The following BICD1 variants were observed in gnomAD, a reference collection of about 807,000 sequenced individuals.
BICD1 encodes the protein BICD cargo adaptor 1.
Under a neutral mutation model 92.5 loss-of-function variants are expected in BICD1, and 35 were observed. The observed-to-expected ratio is 0.38, with a 90% CI of 0.29 to 0.50. The LOEUF is 0.50. Among genes scored for constraint, BICD1 ranks in the 20% least tolerant of loss-of-function variants. The probability of loss-of-function intolerance (pLI) is 0.93; values close to 1 mark genes in which losing one functional copy is unlikely to be tolerated. For synonymous variants in BICD1, 429 were observed against 465.1 expected, an observed-to-expected ratio of 0.92 and a Z score of 1.00; for missense variants, 950 against 1,189.8, an observed-to-expected ratio of 0.80 and a Z score of 2.97.
intron 1 of BICD1, among the ~76,000 whole-genome samples, chr12:32,156,943 AACACAC>A (rs1943456036): frequency 6.6e-6 from 1 of 152,338 alleles, no homozygotes; most frequent in Non-Finnish European, 1.5e-5. Context: ...ATATATGTAT[AACACAC>A]ATACATTTTA....
intron 1 of BICD1, among the ~76,000 whole-genome samples, chr12:32,142,415 AAAAAAAAAAAAAAAAAC>A (rs1286234513): frequency 9.2e-5 from 5 of 54,254 alleles, no homozygotes; most frequent in South Asian, 5.3e-4. Flanking sequence ...TAAAAAAAAA[AAAAAAAAAAAAAAAAAC>A]AAAAAACCCC....
In BICD1 at chr12:32,302,107, T is replaced by C. The variant is rs569879041; in HGVS notation, c.580-3590T>C. Among the ~76,000 whole-genome samples the C allele has an allele frequency of 1.9e-3, 286 of 152,192 alleles. 1 individual carries two copies. The highest frequency in any genetic ancestry group is 5.7e-3 in the African/African-American group (237 of 41,518). ...TTCACTGTGTTAGCTAGGATGGTCT[T>C]GATCTCCTGACCTCGTGATCCGCCC... On this transcript the variant is annotated intron_variant, in intron 3 of 9. Coordinates refer to ENST00000652176, the MANE Select transcript of BICD1 (RefSeq NM_001714.4).
chr12:32,116,484 CTCTCTCTTTCTCTCTCTCTCTCTCTCTA>C (rs377149368), intron 1 of BICD1, among the ~76,000 whole-genome samples: 2,070 of 114,266 alleles, frequency 0.018, 52 homozygotes, highest in African/African-American at 0.059. Flanking sequence ...CTCTCTCTCT[CTCTCTCTTTCTCTCTCTCTCTCTCTCTA>C]TATATATATA....
intron 2 of BICD1, among the ~76,000 whole-genome samples, chr12:32,278,228 A>C (rs1947326457): frequency 6.6e-6 from 1 of 152,210 alleles, no homozygotes; most frequent in South Asian, 2.1e-4. Context: ...CCATATAATG[A>C]ATTCTTTTAT....
intron 1 of BICD1, among the ~76,000 whole-genome samples, chr12:32,188,606 G>A (rs553403411): frequency 1.3e-5 from 2 of 152,342 alleles, no homozygotes; most frequent in South Asian, 4.1e-4. Flanking sequence ...CAGAGTATGT[G>A]CACATTTAAA....
chr12:32,226,042 C>T (rs1945678321), intron 2 of BICD1, among the ~76,000 whole-genome samples: 1 of 152,158 alleles, frequency 6.6e-6, no homozygotes, highest in African/African-American at 2.4e-5. Context: ...TGCTTGTTTG[C>T]CTTCCATATA....
intron 2 of BICD1, among the ~76,000 whole-genome samples, chr12:32,269,666 C>G (rs10844162): frequency 0.079 from 12,073 of 152,266 alleles, 755 homozygotes; most frequent in East Asian, 0.3. Context: ...AACTTGCTTT[C>G]TGATGCCATT....
At chr12:32,331,664 T>C (rs897929077) in intron 5 of BICD1, among the ~76,000 whole-genome samples, 1 of 152,166 alleles carries the variant, frequency 6.6e-6, no homozygotes, top group African/African-American at 2.4e-5. Flanking sequence ...ACTCATGACA[T>C]GAGGTCAGGT....
chr12:32,371,438 A>C (rs1939736460), intron 9 of BICD1, among the ~76,000 whole-genome samples: 1 of 152,210 alleles, frequency 6.6e-6, no homozygotes, highest in Admixed American at 6.5e-5. Flanking sequence ...CACATAGCCA[A>C]CATTCGAATT....
chr12:32,120,261 A>G (rs1351932831), intron 1 of BICD1, among the ~76,000 whole-genome samples: 2 of 152,132 alleles, frequency 1.3e-5, no homozygotes, highest in Admixed American at 6.6e-5. Context: ...CTGTTTTCCA[A>G]CATTTTAAGG....
At chr12:32,217,866 G>T (rs1158079964) in intron 2 of BICD1, among the ~76,000 whole-genome samples, 1 of 152,228 alleles carries the variant, frequency 6.6e-6, no homozygotes, top group Non-Finnish European at 1.5e-5. Flanking sequence ...CCAAACATTT[G>T]CAGGGAGCAA....
At chr12:32,296,408 T>G (rs1246835522) in intron 3 of BICD1, among the ~76,000 whole-genome samples, 1 of 151,666 alleles carries the variant, frequency 6.6e-6, no homozygotes, top group Non-Finnish European at 1.5e-5. Flanking sequence ...CATGCATGTA[T>G]CACCACGCCT....
intron 8 of BICD1, among the ~76,000 whole-genome samples, chr12:32,356,301 A>G (rs1342319243): frequency 6.6e-6 from 1 of 152,106 alleles, no homozygotes; most frequent in Non-Finnish European, 1.5e-5. Flanking sequence ...TTTCTGATGG[A>G]CTCTAAATTT....
intron 2 of BICD1, among the ~76,000 whole-genome samples, chr12:32,231,567 ATTTATTTATTTATTTAT>A (rs1945888104): frequency 2.6e-5 from 1 of 38,204 alleles, no homozygotes; most frequent in Admixed American, 2.5e-4. Flanking sequence ...TGCTTTATTT[ATTTATTTATTTATTTAT>A]TTATTTATTT....
At position 32,185,765 on chromosome 12, in the gene BICD1, C is replaced by T. The variant is rs1944409219; in HGVS notation, c.214-30482C>T. Among the ~76,000 whole-genome samples the T allele has an allele frequency of 2.0e-5, 3 of 152,302 alleles. No homozygotes were observed. In the South Asian group the frequency reaches 6.2e-4, roughly 32 times the overall value. Reference sequence around the variant, plus strand: ...GTGAATCCACCACAGTTAACAAAATCTTGAGACTTGCCATAAACAAATTCT... The same window carrying T: ...GTGAATCCACCACAGTTAACAAAATTTTGAGACTTGCCATAAACAAATTCT... On this transcript the variant is annotated intron_variant, in intron 1 of 9. Transcript: ENST00000652176.
intron 2 of BICD1, among the ~76,000 whole-genome samples, chr12:32,251,385 G>A (rs1339299947): frequency 2.6e-5 from 4 of 152,106 alleles, no homozygotes; most frequent in Admixed American, 6.6e-5. Flanking sequence ...AAAGCAACAC[G>A]AATCCATCTC....
At chr12:32,352,439 T>C (rs1329746666) in intron 8 of BICD1, 2 of 151,094 alleles carry the variant, frequency 1.3e-5, no homozygotes, top group East Asian at 1.9e-4. Context: ...TGAGATGAGA[T>C]TGCGCCACTG....
intron 1 of BICD1, among the ~76,000 whole-genome samples, chr12:32,205,490 A>C (rs747783751): frequency 9.9e-5 from 15 of 152,000 alleles, no homozygotes; most frequent in Non-Finnish European, 2.1e-4. Flanking sequence ...ACAGATCTGC[A>C]GCAAGTTTAT....
rs1241181468 is a variant in BICD1 at position 32,212,213 on chromosome 12, G to T, written c.214-4034G>T. 3.4e-5 allele frequency among the ~76,000 whole-genome samples: 5 copies of T among 148,588 alleles called. No homozygotes were observed. In the East Asian group the frequency reaches 8.0e-4, roughly 24 times the overall value. The stretch of plus-strand genomic sequence containing the variant: ...AGACATGGGTTTTCAGTGTTTTTTT[G>T]TTTTTGTTTTTGTTTTAATTTCTGT... On this transcript the variant is annotated intron_variant, in intron 1 of 9. Coordinates refer to ENST00000652176, the MANE Select transcript of BICD1 (RefSeq NM_001714.4).
Sources: allele counts gnomAD v4.1 joint callset (sites outside exome capture counted in the v4.1 genomes callset), GRCh38; gene constraint gnomAD v4.1.1; transcripts MANE v1.5; gene names NCBI Gene and HGNC (gene_info 2026-07-23, HGNC 2026-07-21).